PRKCI: variants seen among roughly 807,000 people sequenced by gnomAD.
The protein encoded by PRKCI is protein kinase C iota type.
A neutral mutation model predicts 84.0 loss-of-function variants in PRKCI; 43 were observed. That is an observed-to-expected ratio of 0.51 (90% CI 0.40 to 0.66). The LOEUF (loss-of-function observed/expected upper bound fraction) is 0.66, where lower values mean the gene tolerates loss of function less well. Among genes scored for constraint, PRKCI ranks in the 30% least tolerant of loss-of-function variants. The pLI is 0.00. For missense variants in PRKCI, 459 were observed against 745.6 expected, an observed-to-expected ratio of 0.62 and a Z score of 4.48; for synonymous variants, 216 against 234.4, an observed-to-expected ratio of 0.92 and a Z score of 0.72.
Position 170,237,121 on chromosome 3 carries a change from C to T in PRKCI, c.223+1770C>T, listed in dbSNP as rs181745431. Among the ~76,000 whole-genome samples the T allele has an allele frequency of 3.7e-4, 56 of 152,116 alleles. 1 individual carries two copies. The highest frequency in any genetic ancestry group is 1.3e-3 in the African/African-American group (53 of 41,506). On this transcript the variant is annotated intron_variant, in intron 2 of 17. Coordinates refer to ENST00000295797, the MANE Select transcript of PRKCI (RefSeq NM_002740.6). ...TGAGGTAGAGGAGGTGAGGAGAAAA[C>T]CATATAGGCTGAAGAAGAATATGTA...
chr3:170,245,744 G>A (rs540670851), intron 2 of PRKCI, among the ~76,000 whole-genome samples: 49 of 152,032 alleles, frequency 3.2e-4, no homozygotes, highest in Admixed American at 7.2e-4. Flanking sequence ...AAATATAGTG[G>A]GTTTTTTTGT....
chr3:170,230,640 C>T (rs1483106581), intron 1 of PRKCI, among the ~76,000 whole-genome samples: 1 of 152,164 alleles, frequency 6.6e-6, no homozygotes, highest in Non-Finnish European at 1.5e-5. Context: ...TATTATGAAA[C>T]TTTTAAAGTG....
chr3:170,258,750 C>G (rs1488787765), intron 2 of PRKCI, among the ~76,000 whole-genome samples: 1 of 152,266 alleles, frequency 6.6e-6, no homozygotes, highest in East Asian at 1.9e-4. Flanking sequence ...ATTTATATTT[C>G]ACAGCAGCTC....
chr3:170,260,130 T>C, intron 3 of PRKCI, 72 bp downstream of exon 3: 1 of 986,324 alleles, frequency 1.0e-6, no homozygotes, highest in South Asian at 1.6e-5. Flanking sequence ...TCTTCACCAT[T>C]TTGAAACATA....
At chr3:170,260,840 C>T (rs1733707207) in intron 3 of PRKCI, among the ~76,000 whole-genome samples, 1 of 152,316 alleles carries the variant, frequency 6.6e-6, no homozygotes, top group Admixed American at 6.5e-5. Context: ...GTAACCTAAA[C>T]TCAGTTATCA....
intron 15 of PRKCI, among the ~76,000 whole-genome samples, chr3:170,296,853 A>G (rs1170513824): frequency 6.6e-6 from 1 of 152,212 alleles, no homozygotes; most frequent in Non-Finnish European, 1.5e-5. Flanking sequence ...TCCTCAGTCC[A>G]GTGATTCAGA....
intron 2 of PRKCI, among the ~76,000 whole-genome samples, chr3:170,249,673 G>A (rs757403381): frequency 3.2e-4 from 49 of 151,856 alleles, no homozygotes; most frequent in Non-Finnish European, 6.5e-4. Flanking sequence ...GAGCCTGTGG[G>A]ATTCAGCTCC....
intron 7 of PRKCI, among the ~76,000 whole-genome samples, chr3:170,274,064 GT>G (rs1319543958): frequency 6.6e-6 from 1 of 152,084 alleles, no homozygotes; most frequent in East Asian, 1.9e-4. Flanking sequence ...AGCAAACTCA[GT>G]TTTTTTCCAT....
intron 8 of PRKCI, among the ~76,000 whole-genome samples, chr3:170,277,415 T>TA (rs893057494): frequency 3.3e-5 from 5 of 151,954 alleles, no homozygotes; most frequent in African/African-American, 1.2e-4. Context: ...TAGCTGTTAC[T>TA]AAAAAATCAA....
In PRKCI at chr3:170,262,725, C is replaced by A. The variant is rs186617712; in HGVS notation, c.314-654C>A. 9.8e-3 allele frequency among the ~76,000 whole-genome samples: 1,488 copies of A among 152,248 alleles called. 12 individuals carry two copies. The highest frequency in any genetic ancestry group is 0.013 in the Non-Finnish European group (907 of 68,004). On this transcript the variant is annotated intron_variant, in intron 3 of 17. Transcript: ENST00000295797. ...ATCCCCTGACCTCAAGTCATCCACC[C>A]ACCTTGGCCTCCCAGAGTGCTGAGA...
chr3:170,254,103 A>C (rs1391560721), intron 2 of PRKCI, among the ~76,000 whole-genome samples: 2 of 152,042 alleles, frequency 1.3e-5, no homozygotes, highest in Non-Finnish European at 2.9e-5. Flanking sequence ...TTCCAAAAAA[A>C]AAAAAGGAAA....
chr3:170,239,897 C>G (rs1422364836), intron 2 of PRKCI, among the ~76,000 whole-genome samples: 3 of 152,118 alleles, frequency 2.0e-5, no homozygotes, highest in Non-Finnish European at 4.4e-5. Context: ...CTTGTAATCC[C>G]AGCATTTTGG....
At chr3:170,290,838 T>C (rs1011182393) in intron 12 of PRKCI, among the ~76,000 whole-genome samples, 4 of 152,126 alleles carry the variant, frequency 2.6e-5, no homozygotes, top group Admixed American at 2.0e-4. Context: ...TTTTCCATCC[T>C]ACAGCTATTA....
chr3:170,286,291 C>T (rs1165086881), intron 12 of PRKCI, among the ~76,000 whole-genome samples: 2 of 151,870 alleles, frequency 1.3e-5, no homozygotes, highest in Non-Finnish European at 2.9e-5. Context: ...GAGTGGAACC[C>T]CTATGTACCT....
intron 2 of PRKCI, among the ~76,000 whole-genome samples, chr3:170,240,622 T>G (rs1733106747): frequency 6.6e-6 from 1 of 152,246 alleles, no homozygotes; most frequent in South Asian, 2.1e-4. Flanking sequence ...TTTTGTCACC[T>G]TTGTTTTTAA....
At chr3:170,247,880 A>G (rs1247384658) in intron 2 of PRKCI, among the ~76,000 whole-genome samples, 1 of 152,170 alleles carries the variant, frequency 6.6e-6, no homozygotes, top group East Asian at 1.9e-4. Context: ...CCTGATAGTG[A>G]AAGGATGACC....
intron 6 of PRKCI, among the ~76,000 whole-genome samples, chr3:170,270,862 A>C (rs1016052369): frequency 2.0e-5 from 3 of 152,086 alleles, no homozygotes; most frequent in African/African-American, 7.2e-5. Context: ...CTCTCCTTTA[A>C]TCTGAACGTA....
intron 6 of PRKCI, 130 bp downstream of exon 6, chr3:170,270,691 G>A (rs1733981329): frequency 5.2e-6 from 6 of 1,161,108 alleles, no homozygotes; most frequent in Non-Finnish European, 7.0e-6. Context: ...AGTATGGGGA[G>A]GAATACCTTA....
Position 170,295,950 on chromosome 3 carries a change from C to T in PRKCI, c.1457C>T (p.Ser486Phe). The part of the protein sequence containing the change: ...EKQIRIPRSL[S>F]VKAASVLKSF... ...CAAATTCGCATACCACGTTCTCTGT[C>T]TGTAAAAGCTGCAAGTGTTCTGAAG... Residue 486 changes from serine (S) to phenylalanine (F), a missense_variant, in exon 15 of 18, where the codon TCT becomes TTT. Ser to Phe is a radical substitution (Grantham distance 155, BLOSUM62 -2). This residue lies in a region of PRKCI where 209 missense variants were observed against 425.9 expected (regional missense o/e 0.49). Transcript: ENST00000295797. 1 of 1,571,456 alleles carries T rather than the reference C, an allele frequency of 6.4e-7. No individual in the cohort carries two copies. The highest frequency in any genetic ancestry group is 8.7e-7 in the Non-Finnish European group (1 of 1,154,274).
Sources: allele counts gnomAD v4.1 joint callset (sites outside exome capture counted in the v4.1 genomes callset), GRCh38; gene constraint gnomAD v4.1.1; regional missense constraint gnomAD v4.1.1; transcripts MANE v1.5; gene names NCBI Gene and HGNC (gene_info 2026-07-23, HGNC 2026-07-21).